AZIN2: variants seen among roughly 807,000 people sequenced by gnomAD.
AZIN2 encodes the protein ODC antizyme inhibitor-2.
In AZIN2, 28 loss-of-function variants were observed where a neutral mutation model predicts 47.8. The observed-to-expected ratio is 0.59, with a 90% CI of 0.43 to 0.80. The LOEUF is 0.80. AZIN2 is among the 30% of genes least tolerant of loss of function. The pLI is 0.00. For missense variants in AZIN2, 535 were observed against 582.5 expected, an observed-to-expected ratio of 0.92 and a Z score of 0.84; for synonymous variants, 221 against 239.4, an observed-to-expected ratio of 0.92 and a Z score of 0.71.
the AZIN2 span, among the ~76,000 whole-genome samples, chr1:33,144,766 G>T: frequency 6.6e-6 from 1 of 152,158 alleles, no homozygotes; most frequent in Non-Finnish European, 1.5e-5. Context: ...TGGACCTCAG[G>T]ATGGTCCTGG....
chr1:33,150,683 G>A, the AZIN2 span, among the ~76,000 whole-genome samples: 3 of 152,224 alleles, frequency 2.0e-5, no homozygotes, highest in Non-Finnish European at 4.4e-5. Context: ...TCAGAACCAG[G>A]GGGCCCCTGC....
intron 8 of AZIN2, among the ~76,000 whole-genome samples, chr1:33,095,884 C>T (rs946447459): frequency 5.3e-5 from 8 of 152,152 alleles, no homozygotes; most frequent in Admixed American, 1.3e-4. Flanking sequence ...ATCACCCAGG[C>T]GTGAGTGCAG....
the AZIN2 span, chr1:33,164,355 A>G: frequency 2.0e-5 from 3 of 152,298 alleles, no homozygotes; most frequent in Admixed American, 6.5e-5. Context: ...TCCTGCTGAC[A>G]GAGCGGGGTC....
chr1:33,115,162 T>C (rs896818985), intron 10 of AZIN2, among the ~76,000 whole-genome samples: 5 of 152,188 alleles, frequency 3.3e-5, no homozygotes, highest in African/African-American at 1.2e-4. Context: ...CTCTCTGAGT[T>C]TTCTCATCTG....
chr1:33,116,332 C>T (rs1157838860), intron 10 of AZIN2, among the ~76,000 whole-genome samples: 2 of 152,160 alleles, frequency 1.3e-5, no homozygotes. Flanking sequence ...ACTATTTCTG[C>T]TTATGGAAAC....
chr1:33,163,223 G>C, the AZIN2 span: 1 of 152,018 alleles, frequency 6.6e-6, no homozygotes, highest in South Asian at 2.1e-4. Flanking sequence ...ATTTTTAGTA[G>C]AGACGGGGTT....
chr1:33,120,361 G>C lies in AZIN2; in HGVS notation c.*179G>C. On this transcript the variant is annotated 3_prime_UTR_variant, in exon 12 of 12. Coordinates refer to ENST00000294517, the MANE Select transcript of AZIN2 (RefSeq NM_052998.4). ...TAGGACCAGTCTTACACTCGCTGTA[G>C]TTCAAGTATGCAACATAAATCCTGT... 1.2e-6 allele frequency: 1 copy of C among 809,424 alleles called. No homozygotes were observed. The highest frequency in any genetic ancestry group is 1.9e-5 in the South Asian group (1 of 53,758). 50.1% of individuals were successfully genotyped at this position (809,424 alleles called of 1,614,324 possible). A position where few individuals can be genotyped will look rare whatever the true frequency, so the allele number is the denominator to read the frequency against.
At chr1:33,148,784 CA>C in the AZIN2 span, among the ~76,000 whole-genome samples, 1 of 152,162 alleles carries the variant, frequency 6.6e-6, no homozygotes, top group South Asian at 2.1e-4. Flanking sequence ...GAAAAGTAGA[CA>C]ATGGGTCTGA....
Position 33,094,651 on chromosome 1 carries a change from C to A in AZIN2, c.691C>A (p.His231Asn). Residue 231 changes from histidine (H) to asparagine (N), a missense_variant, in exon 8 of 12, where the codon CAC becomes AAC. By Grantham distance (68) the His-to-Asn change is moderately conservative. Transcript: ENST00000294517. Reference sequence around the variant, plus strand: ...GGGCACCGAGCTGGGTCACAAGATGCACGTTCTGGACCTTGGTGGTGGCTT... The same window carrying A: ...GGGCACCGAGCTGGGTCACAAGATGAACGTTCTGGACCTTGGTGGTGGCTT... Reference protein sequence around the residue: ...EMGTELGHKMHVLDLGGGFPG... With the variant: ...EMGTELGHKMNVLDLGGGFPG... 1 of 1,614,178 alleles carries A rather than the reference C, an allele frequency of 6.2e-7. No individual in the cohort carries two copies. The highest frequency in any genetic ancestry group is 8.5e-7 in the Non-Finnish European group (1 of 1,180,028).
chr1:33,111,429 T>C (rs1409303731), intron 10 of AZIN2, among the ~76,000 whole-genome samples: 1 of 152,124 alleles, frequency 6.6e-6, no homozygotes, highest in Non-Finnish European at 1.5e-5. Flanking sequence ...AAAATGTAAA[T>C]GTATAGAGTA....
chr1:33,152,466 C>G, the AZIN2 span, among the ~76,000 whole-genome samples: 3 of 151,630 alleles, frequency 2.0e-5, no homozygotes, highest in Non-Finnish European at 4.4e-5. Flanking sequence ...ACTTGGGAGG[C>G]TGAGGCAGGA....
intron 10 of AZIN2, among the ~76,000 whole-genome samples, chr1:33,098,430 G>T (rs184885270): frequency 1.6e-4 from 25 of 152,254 alleles, no homozygotes; most frequent in Admixed American, 9.2e-4. Flanking sequence ...TTTATATGGG[G>T]TGTAGCTCTT....
In AZIN2 at chr1:33,122,866, T is replaced by A. The variant is rs1644820568; in HGVS notation, c.*2684T>A. Among the ~76,000 whole-genome samples, 1 of 152,194 alleles carries A rather than the reference T, an allele frequency of 6.6e-6. No homozygotes were observed. The highest frequency in any genetic ancestry group is 2.1e-4 in the South Asian group (1 of 4,828). Reference sequence around the variant, plus strand: ...ACAGATCTGAGCTTCCATCTTCTCATACTCAGGACTGGCCCCTTCTTCCCC... The same window carrying A: ...ACAGATCTGAGCTTCCATCTTCTCAAACTCAGGACTGGCCCCTTCTTCCCC... On this transcript the variant is annotated 3_prime_UTR_variant, in exon 12 of 12. Coordinates refer to ENST00000294517, the MANE Select transcript of AZIN2 (RefSeq NM_052998.4).
downstream of AZIN2, among the ~76,000 whole-genome samples, chr1:33,126,606 C>T (rs1248399795): frequency 6.6e-6 from 1 of 152,076 alleles, no homozygotes; most frequent in Non-Finnish European, 1.5e-5. Flanking sequence ...ACTAGGAAGA[C>T]CATTGACTGG....
At position 33,084,957 on chromosome 1, in the gene AZIN2, G is replaced by A. The variant is rs11811470; in HGVS notation, c.279+830G>A. ...TCAGTATCTACTGAACTCCTACAGC[G>A]TGTAGTCACTGTGCTAGGCAGGGCT... On this transcript the variant is annotated intron_variant, in intron 5 of 11. Coordinates refer to ENST00000294517, the MANE Select transcript of AZIN2 (RefSeq NM_052998.4). Among the ~76,000 whole-genome samples, 551 of 152,282 alleles carry A rather than the reference G, an allele frequency of 3.6e-3. 5 individuals carry two copies. The highest frequency in any genetic ancestry group is 0.012 in the African/African-American group (512 of 41,552).
chr1:33,111,091 G>C (rs551808506), intron 10 of AZIN2, among the ~76,000 whole-genome samples: 6 of 152,360 alleles, frequency 3.9e-5, no homozygotes, highest in East Asian at 3.9e-4. Context: ...GCTGCTGAGT[G>C]GGGGAGAATC....
rs1056872417 is a variant in AZIN2 at position 33,083,975 on chromosome 1, G to T, written c.127G>T (p.Val43Leu). Residue 43 changes from valine to leucine, a missense_variant, in exon 5 of 12, where the codon GTG becomes TTG. Coordinates refer to ENST00000294517, the MANE Select transcript of AZIN2 (RefSeq NM_052998.4). ...TCAGGACGAGGTAGCTGCCTTCTTCGTGGCTGACCTGGGTGCCATAGTGAG... is the reference window on the plus strand; with the variant it reads ...TCAGGACGAGGTAGCTGCCTTCTTCTTGGCTGACCTGGGTGCCATAGTGAG... ...ATTDEVAAFF[V>L]ADLGAIVRKH... 6.2e-7 allele frequency: 1 copy of T among 1,614,150 alleles called. No individual in the cohort carries two copies. The highest frequency in any genetic ancestry group is 1.3e-5 in the African/African-American group (1 of 75,062).
chr1:33,144,588 AG>A, the AZIN2 span, among the ~76,000 whole-genome samples: 10 of 152,264 alleles, frequency 6.6e-5, no homozygotes, highest in Non-Finnish European at 4.4e-5. Context: ...GCCTGTCTAT[AG>A]TACTCAGTAA....
the AZIN2 span, among the ~76,000 whole-genome samples, chr1:33,135,308 A>AAACC: frequency 6.6e-6 from 1 of 151,950 alleles, no homozygotes; most frequent in East Asian, 1.9e-4. Flanking sequence ...ACAAACAAAC[A>AAACC]AACCAAACAA....
Sources: allele counts gnomAD v4.1 joint callset (sites outside exome capture counted in the v4.1 genomes callset), GRCh38; gene constraint gnomAD v4.1.1; transcripts MANE v1.5; gene names NCBI Gene and HGNC (gene_info 2026-07-23, HGNC 2026-07-21).